SLC48A1: variants seen among roughly 807,000 people sequenced by gnomAD.
SLC48A1 encodes solute carrier family 48 member 1.
A neutral mutation model predicts 14.8 loss-of-function variants in SLC48A1; 6 were observed. That is an observed-to-expected ratio of 0.41 (90% CI 0.22 to 0.80). The LOEUF (loss-of-function observed/expected upper bound fraction) is 0.80. SLC48A1 is among the 30% of genes least tolerant of loss of function. SLC48A1 has a pLI of 0.34. For synonymous variants in SLC48A1, 89 were observed against 90.0 expected (o/e 0.99, Z 0.06); for missense variants, 165 against 204.8 (o/e 0.81, Z 1.19).
Position 47,773,262 on chromosome 12 carries a change from T to C in SLC48A1, c.-43T>C, listed in dbSNP as rs1262725804. On this transcript the variant is annotated 5_prime_UTR_variant, in exon 1 of 3. Transcript: ENST00000442218. ...CGGCTTCGGGCCCTGCACCTGTGAC[T>C]CTCGGCCGCGCTCGCCCTCGGCCCG... The C allele has an allele frequency of 7.3e-5, 96 of 1,309,168 alleles. No individual in the cohort carries two copies. Among genetic ancestry groups the C allele is most frequent in the Non-Finnish European group, 9.2e-5 (94 of 1,026,238 alleles). 81.1% of individuals were successfully genotyped at this position (1,309,168 alleles called of 1,614,324 possible).
At chr12:47,756,763 G>A (rs565476645), upstream of SLC48A1, among the ~76,000 whole-genome samples, 29 of 152,216 alleles carry the variant, frequency 1.9e-4, no homozygotes, top group African/African-American at 6.0e-4. Context: ...GAGGTCAAGC[G>A]ATCAAGACCA....
At chr12:47,779,309 A>C in intron 2 of SLC48A1, 114 bp downstream of exon 2, 1 of 1,338,304 alleles carries the variant, frequency 7.5e-7, no homozygotes, top group Non-Finnish European at 9.9e-7. Flanking sequence ...GAATTACTTA[A>C]CCTCCCCGGA....
At chr12:47,759,161 C>T in intron 1 of SLC48A1, 6 of 932,996 alleles carry the variant, frequency 6.4e-6, no homozygotes, top group Non-Finnish European at 7.7e-6. Context: ...TGAGTGGCTG[C>T]ACTGGCCGCC....
chr12:47,773,214 G>A (rs1942664239), upstream of SLC48A1: 1 of 1,067,082 alleles, frequency 9.4e-7, no homozygotes, highest in Non-Finnish European at 1.1e-6. Flanking sequence ...GGCTGCTCTG[G>A]CGGCTCCCGC....
chr12:47,761,854 T>G (rs1355522383), intron 2 of SLC48A1, among the ~76,000 whole-genome samples: 1 of 152,118 alleles, frequency 6.6e-6, no homozygotes, highest in African/African-American at 2.4e-5. Context: ...GAGATAAGGT[T>G]GTTATTTTTG....
chr12:47,757,954 A>T, upstream of SLC48A1: 1 of 1,560,276 alleles, frequency 6.4e-7, no homozygotes, highest in Non-Finnish European at 8.7e-7. Flanking sequence ...CCTTCTCAAC[A>T]CCATGTTGAG....
intron 1 of SLC48A1, among the ~76,000 whole-genome samples, chr12:47,773,647 G>A (rs1251914101): frequency 6.6e-6 from 1 of 151,768 alleles, no homozygotes; most frequent in Non-Finnish European, 1.5e-5. Context: ...TGCCCGCCCG[G>A]GCGCCACCTG....
rs60379857 is a variant in SLC48A1 at position 47,780,568 on chromosome 12, CTT to C, written c.*302_*303del. ...GTTTTCTTTTCTTTCTTTTTTTTTT[CTT>C]TTTTTTTTTTTTTTGAGATGGAGTC... On this transcript the variant is annotated 3_prime_UTR_variant, in exon 3 of 3. Coordinates refer to ENST00000442218, the MANE Select transcript of SLC48A1 (RefSeq NM_017842.3). 2,020 of 415,452 alleles carry C rather than the reference CTT, an allele frequency of 4.9e-3. No individual in the cohort carries two copies. Among genetic ancestry groups the C allele is most frequent in the Middle Eastern group, 8.8e-3 (12 of 1,366 alleles). The allele number at this position is 415,452 out of a possible 1,614,324, so 25.7% of individuals were successfully genotyped here. A position where few individuals can be genotyped will look rare whatever the true frequency, so the allele number is the denominator to read the frequency against.
At chr12:47,758,159 C>G, upstream of SLC48A1, 2 of 1,496,714 alleles carry the variant, frequency 1.3e-6, no homozygotes, top group Non-Finnish European at 1.8e-6. Context: ...CCAGGCAGAA[C>G]TACTTCCTTA....
intron 2 of SLC48A1, among the ~76,000 whole-genome samples, chr12:47,779,667 C>T (rs963082619): frequency 6.6e-6 from 1 of 152,178 alleles, no homozygotes; most frequent in African/African-American, 2.4e-5. Flanking sequence ...CTGGAATACT[C>T]TAAAACGGTC....
In SLC48A1 at chr12:47,779,105, C is replaced by T. The variant is rs868001105; in HGVS notation, c.214C>T (p.Arg72Cys). 16 of 1,551,720 alleles carry T rather than the reference C, an allele frequency of 1.0e-5. No individual in the cohort carries two copies. The African/African-American group carries it at 1.5e-4, about 15-fold the overall frequency. The stretch of plus-strand genomic sequence containing the variant: ...TTGGAGGACCTGGCTCAAGGGGCTG[C>T]GCGGCTTCTTCTTCGTGGGCGTCCT... Reference protein sequence around the residue: ...DYWRTWLKGLRGFFFVGVLFS... With the variant: ...DYWRTWLKGLCGFFFVGVLFS... The change falls in exon 2 of 3, where the codon CGC becomes TGC. Residue 72 changes from arginine to cysteine, a missense_variant. Coordinates refer to ENST00000442218, the MANE Select transcript of SLC48A1 (RefSeq NM_017842.3).
chr12:47,758,510 C>T, upstream of SLC48A1: 1 of 1,608,780 alleles, frequency 6.2e-7, no homozygotes, highest in Non-Finnish European at 8.5e-7. Context: ...CCTCTCCCGC[C>T]CTCTCCTGCT....
chr12:47,759,547 C>G (rs2136837709), intron 1 of SLC48A1, among the ~76,000 whole-genome samples: 1 of 116,766 alleles, frequency 8.6e-6, no homozygotes, highest in South Asian at 2.6e-4. Context: ...AGAAGGTGTT[C>G]GAGTACCACG....
upstream of SLC48A1, chr12:47,771,021 CA>C (rs925713507): frequency 1.2e-5 from 5 of 433,222 alleles, no homozygotes; most frequent in African/African-American, 1.0e-4. Flanking sequence ...ACTCACTCTC[CA>C]CCGGCAGCTC....
chr12:47,779,163 C>A lies in SLC48A1; in HGVS notation c.272C>A (p.Thr91Asn). Reference sequence around the variant, plus strand: ...GCCGTCTCCATCGCTGCCTTCTGCACCTTCCTCGTGCTGGCCATCACCCGG... The same window carrying A: ...GCCGTCTCCATCGCTGCCTTCTGCAACTTCCTCGTGCTGGCCATCACCCGG... ...FSAVSIAAFC[T>N]FLVLAITRHQ... The change falls in exon 2 of 3, where the codon ACC (threonine) becomes AAC (asparagine). Residue 91 changes from threonine to asparagine, a missense_variant. Coordinates refer to ENST00000442218, the MANE Select transcript of SLC48A1 (RefSeq NM_017842.3). The A allele has an allele frequency of 6.4e-7, 1 of 1,551,872 alleles. No individual in the cohort carries two copies. Among genetic ancestry groups the A allele is most frequent in the Non-Finnish European group, 8.7e-7 (1 of 1,147,026 alleles).
Position 47,773,255 on chromosome 12 carries a change from C to T in SLC48A1, c.-50C>T. On this transcript the variant is annotated 5_prime_UTR_variant, in exon 1 of 3. Transcript: ENST00000442218. ...CGGCTGGCGGCTTCGGGCCCTGCAC[C>T]TGTGACTCTCGGCCGCGCTCGCCCT... The T allele has an allele frequency of 2.3e-6, 3 of 1,290,030 alleles. No individual in the cohort carries two copies. Among genetic ancestry groups the T allele is most frequent in the Non-Finnish European group, 3.0e-6 (3 of 1,015,462 alleles). 79.9% of individuals were successfully genotyped at this position (1,290,030 alleles called of 1,614,324 possible).
chr12:47,772,311 C>T (rs1244745839), upstream of SLC48A1: 1 of 154,734 alleles, frequency 6.5e-6, no homozygotes, highest in Non-Finnish European at 1.5e-5. Flanking sequence ...TCTGTCTCTT[C>T]CTTACAATGG....
At chr12:47,772,738 G>T (rs1311415127), upstream of SLC48A1, among the ~76,000 whole-genome samples, 1 of 152,042 alleles carries the variant, frequency 6.6e-6, no homozygotes, top group Non-Finnish European at 1.5e-5. Flanking sequence ...TAGAATGTTT[G>T]CAGTCAGAAG....
intron 1 of SLC48A1, among the ~76,000 whole-genome samples, chr12:47,774,642 C>T (rs1942701466): frequency 6.6e-6 from 1 of 152,162 alleles, no homozygotes; most frequent in Non-Finnish European, 1.5e-5. Context: ...TGGGTAGAGT[C>T]GCAGCATGAG....
Sources: allele counts gnomAD v4.1 joint callset (sites outside exome capture counted in the v4.1 genomes callset), GRCh38; gene constraint gnomAD v4.1.1; transcripts MANE v1.5; gene names NCBI Gene and HGNC (gene_info 2026-07-23, HGNC 2026-07-21).